Variants in SERTAD2 observed in about 807,000 individuals in gnomAD.
SERTAD2 encodes the protein SERTA domain containing 2, also known as SERTA domain-containing protein 2.
SERTAD2 carries 2 observed loss-of-function variants against 15.4 expected under a neutral mutation model. The ratio of observed to expected loss-of-function variants is 0.13; its 90% confidence interval spans 0.05 to 0.41. The LOEUF (loss-of-function observed/expected upper bound fraction) is 0.41. SERTAD2 is among the 10% of genes least tolerant of loss of function. The probability of loss-of-function intolerance (pLI) is 0.99; values close to 1 mark genes in which losing one functional copy is unlikely to be tolerated. For missense variants in SERTAD2, 333 were observed against 409.7 expected, an observed-to-expected ratio of 0.81 and a Z score of 1.62; for synonymous variants, 180 against 178.0, an observed-to-expected ratio of 1.01 and a Z score of -0.09.
rs114566949 is a variant in SERTAD2 at position 64,652,245 on chromosome 2, C to T, written c.-5+1375G>A. On this transcript the variant is annotated intron_variant, in intron 1 of 1. Transcript: ENST00000313349. ...TTCATCTTCACAGCACACCCTAGCA[C>T]ACTCATATCAGAATAGACTGCTATA... Among the ~76,000 whole-genome samples the T allele has an allele frequency of 1.7e-3, 263 of 152,258 alleles. 2 individuals carry two copies. The highest frequency in any genetic ancestry group is 6.1e-3 in the African/African-American group (255 of 41,564).
chr2:64,642,041 C>A (rs1409855584), intron 1 of SERTAD2, among the ~76,000 whole-genome samples: 1 of 152,212 alleles, frequency 6.6e-6, no homozygotes, highest in African/African-American at 2.4e-5. Flanking sequence ...CTCATCAGGC[C>A]ATTTCAAGTT....
Position 64,636,494 on chromosome 2 carries a change from CA to C in SERTAD2, c.377del (p.Leu126ArgfsTer71), listed in dbSNP as rs1251543993. The part of the protein sequence containing the change: ...HPCDLGSTTP[L>X]EACLTPASLL... ...GTGAGGCCGGGGTGAGGCAGGCCTCCAGGGGCGTAGTGCTTCCGAGGTCGCA... is the reference window on the plus strand; with the variant it reads ...GTGAGGCCGGGGTGAGGCAGGCCTCCGGGGCGTAGTGCTTCCGAGGTCGCA... On this transcript the variant is annotated frameshift_variant, in exon 2 of 2. Transcript: ENST00000313349. LOFTEE classifies it high-confidence loss of function. 6.2e-7 allele frequency: 1 copy of C among 1,612,488 alleles called. No homozygotes were observed. Among genetic ancestry groups the C allele is most frequent in the Non-Finnish European group, 8.5e-7 (1 of 1,179,114 alleles).
intron 1 of SERTAD2, among the ~76,000 whole-genome samples, chr2:64,643,398 G>A (rs899803412): frequency 2.4e-4 from 36 of 152,214 alleles, no homozygotes; most frequent in African/African-American, 8.2e-4. Flanking sequence ...GCCATGCTCT[G>A]CCGCTCACCT....
At position 64,633,222 on chromosome 2, in the gene SERTAD2, C is replaced by A. The variant is rs1310583387; in HGVS notation, c.*2705G>T. On this transcript the variant is annotated 3_prime_UTR_variant, in exon 2 of 2. Coordinates refer to ENST00000313349, the MANE Select transcript of SERTAD2 (RefSeq NM_014755.3). ...AAAATGGGCTGCTAATTTTCCATGT[C>A]TTTCTTGTTAGACTTTGAGTATCAG... 1 of 152,196 alleles carries A rather than the reference C, an allele frequency of 6.6e-6. No homozygotes were observed. Among genetic ancestry groups the A allele is most frequent in the African/African-American group, 2.4e-5 (1 of 41,436 alleles). The allele number at this position is 152,196 out of a possible 1,614,324, so 9.4% of individuals were successfully genotyped here.
chr2:64,646,935 G>C (rs940744498), intron 1 of SERTAD2, among the ~76,000 whole-genome samples: 2 of 152,092 alleles, frequency 1.3e-5, no homozygotes, highest in Non-Finnish European at 2.9e-5. Flanking sequence ...CAATAAATTC[G>C]GCACTAAGCT....
At chr2:64,649,826 G>A (rs897423098) in intron 1 of SERTAD2, among the ~76,000 whole-genome samples, 5 of 152,132 alleles carry the variant, frequency 3.3e-5, no homozygotes, top group East Asian at 1.9e-4. Flanking sequence ...CCCACCCCAC[G>A]CCTCCGCATA....
intron 1 of SERTAD2, among the ~76,000 whole-genome samples, chr2:64,639,470 T>C (rs545341035): frequency 6.6e-6 from 1 of 152,372 alleles, no homozygotes; most frequent in South Asian, 2.1e-4. Context: ...CACAGAAAGC[T>C]TGAGAAGCAC....
At chr2:64,651,985 CAAGTA>C (rs1282953912) in intron 1 of SERTAD2, among the ~76,000 whole-genome samples, 1 of 145,126 alleles carries the variant, frequency 6.9e-6, no homozygotes, top group African/African-American at 2.6e-5. Context: ...GGGGGTGAAA[CAAGTA>C]AAAAAAAAAA....
Position 64,636,683 on chromosome 2 carries a change from A to G in SERTAD2, c.189T>C (p.Val63=). ...TCCGCCTCAACATGTTGTTAATTAA[A>G]ACGGTCTTTTGCAAGCTGGGCTCTG... ...PLTEPSLQKT[V]LINNMLRRIQ... The change falls in exon 2 of 2, where the codon GTT becomes GTC. Residue 63 remains valine (V), a synonymous_variant. Transcript: ENST00000313349. 6.2e-7 allele frequency: 1 copy of G among 1,613,868 alleles called. No individual in the cohort carries two copies. The highest frequency in any genetic ancestry group is 1.1e-5 in the South Asian group (1 of 91,060).
Position 64,636,066 on chromosome 2 carries a change from G to A in SERTAD2, c.806C>T (p.Ser269Leu). 1 of 1,614,172 alleles carries A rather than the reference G, an allele frequency of 6.2e-7. No individual in the cohort carries two copies. The highest frequency in any genetic ancestry group is 1.3e-5 in the African/African-American group (1 of 75,046). The change falls in exon 2 of 2, where the codon TCA becomes TTA. Residue 269 changes from serine (S) to leucine (L), a missense_variant. Ser to Leu is a moderately radical substitution (Grantham distance 145, BLOSUM62 -2). Coordinates refer to ENST00000313349, the MANE Select transcript of SERTAD2 (RefSeq NM_014755.3). ...GTCGGCAGACACAGGGGCCATTTTT[G>A]AGGCTGTCCCTGATGAGGAAGTGCA... ...DPCTSSSGTA[S>L]KMAPVSADDL...
intron 1 of SERTAD2, among the ~76,000 whole-genome samples, chr2:64,647,911 T>C (rs1674939357): frequency 6.6e-6 from 1 of 152,190 alleles, no homozygotes; most frequent in Non-Finnish European, 1.5e-5. Flanking sequence ...AATTAAAAAC[T>C]AGTCATGCCT....
intron 1 of SERTAD2, among the ~76,000 whole-genome samples, chr2:64,645,493 CA>C (rs1446541979): frequency 6.6e-6 from 1 of 152,146 alleles, no homozygotes; most frequent in East Asian, 1.9e-4. Flanking sequence ...TTCTAAAGTC[CA>C]AATTTTTAAA....
At chr2:64,651,517 C>T (rs1300565917) in intron 1 of SERTAD2, among the ~76,000 whole-genome samples, 3 of 152,126 alleles carry the variant, frequency 2.0e-5, no homozygotes, top group Non-Finnish European at 4.4e-5. Flanking sequence ...AGCTATCAGT[C>T]GCCACACAAA....
chr2:64,632,349 G>T lies in SERTAD2; in HGVS notation c.*3578C>A, dbSNP rs57803659. The stretch of plus-strand genomic sequence containing the variant: ...GTTCATAAATTTAAGCTTTAAAAAC[G>T]ATCTGTAAGTTGATACTTTGGCTCT... On this transcript the variant is annotated 3_prime_UTR_variant, in exon 2 of 2. Coordinates refer to ENST00000313349, the MANE Select transcript of SERTAD2 (RefSeq NM_014755.3). The T allele has an allele frequency of 6.7e-6, 1 of 150,310 alleles. No homozygotes were observed. Among genetic ancestry groups the T allele is most frequent in the African/African-American group, 2.5e-5 (1 of 40,746 alleles). The allele number at this position is 150,310 out of a possible 1,614,324, so 9.3% of individuals were successfully genotyped here. A position where few individuals can be genotyped will look rare whatever the true frequency, so the allele number is the denominator to read the frequency against.
chr2:64,636,872 A>T lies in SERTAD2; in HGVS notation c.-1T>A. The stretch of plus-strand genomic sequence containing the variant: ...TCCGTTTTCCTCCTTTACCCAACAT[A>T]TATCTGCAGAGGGGAGAGAGAGGAA... On this transcript the variant is annotated 5_prime_UTR_variant, in exon 2 of 2. Coordinates refer to ENST00000313349, the MANE Select transcript of SERTAD2 (RefSeq NM_014755.3). 6.2e-7 allele frequency: 1 copy of T among 1,602,370 alleles called. No individual in the cohort carries two copies. Among genetic ancestry groups the T allele is most frequent in the Middle Eastern group, 1.7e-4 (1 of 6,018 alleles).
rs1674564987 is a variant in SERTAD2, at chr2:64,632,802, C to T, written c.*3125G>A. 1 of 152,516 alleles carries T rather than the reference C, an allele frequency of 6.6e-6. No homozygotes were observed. The highest frequency in any genetic ancestry group is 6.5e-5 in the Admixed American group (1 of 15,276). 9.4% of individuals were successfully genotyped at this position (152,516 alleles called of 1,614,324 possible). The stretch of plus-strand genomic sequence containing the variant: ...ATACATTCCTACCATACATTCTGCA[C>T]ATGTTACGATCCAGATGTTAGCGCT... On this transcript the variant is annotated 3_prime_UTR_variant, in exon 2 of 2. Coordinates refer to ENST00000313349, the MANE Select transcript of SERTAD2 (RefSeq NM_014755.3).
rs1471600024 is a variant in SERTAD2 at position 64,634,718 on chromosome 2, G to GCATT, written c.*1205_*1208dup. The GCATT allele has an allele frequency of 6.6e-6, 1 of 152,174 alleles. No homozygotes were observed. The highest frequency in any genetic ancestry group is 2.4e-5 in the African/African-American group (1 of 41,436). 9.4% of individuals were successfully genotyped at this position (152,174 alleles called of 1,614,324 possible). ...AGATTTTCTTCTTTAAGGGCCCTAA[G>GCATT]CATTGCAACAGGGCTGAGTTCCATG... On this transcript the variant is annotated 3_prime_UTR_variant, in exon 2 of 2. Coordinates refer to ENST00000313349, the MANE Select transcript of SERTAD2 (RefSeq NM_014755.3).
intron 1 of SERTAD2, among the ~76,000 whole-genome samples, chr2:64,646,113 T>G (rs950957655): frequency 1.3e-5 from 2 of 148,986 alleles, no homozygotes; most frequent in African/African-American, 5.0e-5. Context: ...CTCTGATGCC[T>G]GGAATTTGCT....
At chr2:64,642,971 T>C (rs916828747) in intron 1 of SERTAD2, among the ~76,000 whole-genome samples, 4 of 152,172 alleles carry the variant, frequency 2.6e-5, no homozygotes, top group Non-Finnish European at 4.4e-5. Context: ...ACAAAATGAC[T>C]TTAAAAGGGG....
Sources: allele counts gnomAD v4.1 joint callset (sites outside exome capture counted in the v4.1 genomes callset), GRCh38; gene constraint gnomAD v4.1.1; transcripts MANE v1.5; gene names NCBI Gene and HGNC (gene_info 2026-07-23, HGNC 2026-07-21).